EPB41L1: variants seen among roughly 807,000 people sequenced by gnomAD.
EPB41L1 encodes the protein band 4.1-like protein 1.
EPB41L1 carries 29 observed loss-of-function variants against 97.8 expected under a neutral mutation model. That is an observed-to-expected ratio of 0.30 (90% CI 0.22 to 0.40). EPB41L1 has a LOEUF of 0.40. Ranked by LOEUF, EPB41L1 falls within the 10% of genes least tolerant of loss-of-function variation. The probability of loss-of-function intolerance (pLI) is 1.00; values close to 1 mark genes in which losing one functional copy is unlikely to be tolerated. For synonymous variants in EPB41L1, 383 were observed against 459.2 expected, an observed-to-expected ratio of 0.83 and a Z score of 2.12; for missense variants, 812 against 1,162.3, an observed-to-expected ratio of 0.70 and a Z score of 4.38.
At chr20:36,176,047 A>C (rs1011769231) in intron 3 of EPB41L1, among the ~76,000 whole-genome samples, 2 of 152,244 alleles carry the variant, frequency 1.3e-5, no homozygotes, top group African/African-American at 4.8e-5. Flanking sequence ...CTATTCACCC[A>C]GGAGAGACTG....
At chr20:36,133,622 C>T (rs1413274832) in intron 2 of EPB41L1, among the ~76,000 whole-genome samples, 4 of 152,108 alleles carry the variant, frequency 2.6e-5, no homozygotes, top group Admixed American at 6.5e-5. Flanking sequence ...TTTGGGAGGC[C>T]GATGCAGGCG....
chr20:36,174,377 A>G lies in EPB41L1; in HGVS notation c.177+423A>G, dbSNP rs533991499. Among the ~76,000 whole-genome samples the G allele has an allele frequency of 4.0e-5, 6 of 151,878 alleles. No homozygotes were observed. The South Asian group carries it at 1.2e-3, about 32-fold the overall frequency. On this transcript the variant is annotated intron_variant, in intron 2 of 21. Coordinates refer to ENST00000338074, the MANE Select transcript of EPB41L1 (RefSeq NM_012156.2). ...GACCTCTGCCGCCCGGGTTCAAGCA[A>G]TTCTCCTGCCTCAGCCTCCTTAGTA...
At chr20:36,172,023 A>G (rs771216857) in intron 1 of EPB41L1, among the ~76,000 whole-genome samples, 1 of 152,160 alleles carries the variant, frequency 6.6e-6, no homozygotes, top group Non-Finnish European at 1.5e-5. Context: ...CCGCCACCCT[A>G]CCTTTCTAAA....
At chr20:36,126,556 G>A (rs907221033) in intron 2 of EPB41L1, among the ~76,000 whole-genome samples, 4 of 152,086 alleles carry the variant, frequency 2.6e-5, no homozygotes, top group Non-Finnish European at 4.4e-5. Context: ...AGTAGAGACT[G>A]GGTTTCTCCA....
chr20:36,217,839 C>T (rs764270262), intron 17 of EPB41L1, among the ~76,000 whole-genome samples: 1 of 152,092 alleles, frequency 6.6e-6, no homozygotes, highest in Non-Finnish European at 1.5e-5. Flanking sequence ...CTTTTCTCAC[C>T]TGTCCCTTGG....
rs936697679 is a variant in EPB41L1 at position 36,132,573 on chromosome 20, G to T, written c.-10+20093G>T. Among the ~76,000 whole-genome samples, 8 of 79,126 alleles carry T rather than the reference G, an allele frequency of 1.0e-4. No homozygotes were observed. The South Asian group carries it at 2.2e-3, about 22-fold the overall frequency. 51.9% of individuals were successfully genotyped at this position (79,126 alleles called of 152,430 possible). A position where few individuals can be genotyped will look rare whatever the true frequency, so the allele number is the denominator to read the frequency against. On this transcript the variant is annotated intron_variant, in intron 2 of 19. Transcript: ENST00000202028. ...ACATGGACATCTTTGTGGGCGGGGGGGGGGGGCGCATTATTATGCCTGCCA... is the reference window on the plus strand; with the variant it reads ...ACATGGACATCTTTGTGGGCGGGGGTGGGGGGCGCATTATTATGCCTGCCA...
intron 2 of EPB41L1, among the ~76,000 whole-genome samples, chr20:36,131,245 G>A (rs1665687123): frequency 6.6e-6 from 1 of 152,094 alleles, no homozygotes; most frequent in Non-Finnish European, 1.5e-5. Flanking sequence ...AAAGTGCTGG[G>A]ATTTCAGGCA....
intron 19 of EPB41L1, among the ~76,000 whole-genome samples, chr20:36,220,238 A>T (rs1430566723): frequency 6.6e-6 from 1 of 152,248 alleles, no homozygotes; most frequent in South Asian, 2.1e-4. Context: ...CTGAGGGAGG[A>T]GAAGACAGAT....
chr20:36,220,117 G>C (rs1209230911), intron 19 of EPB41L1, among the ~76,000 whole-genome samples: 1 of 152,268 alleles, frequency 6.6e-6, no homozygotes, highest in South Asian at 2.1e-4. Flanking sequence ...TAGATGGAAA[G>C]TGCTGGAGGA....
intron 21 of EPB41L1, 152 bp downstream of exon 21, chr20:36,222,546 G>T: frequency 1.5e-6 from 1 of 651,962 alleles, no homozygotes; most frequent in African/African-American, 1.8e-5. Flanking sequence ...CTGCTCAAAG[G>T]AGAGAGGCAC....
At chr20:36,174,941 G>A (rs940797544) in intron 2 of EPB41L1, among the ~76,000 whole-genome samples, 1 of 152,094 alleles carries the variant, frequency 6.6e-6, no homozygotes, top group African/African-American at 2.4e-5. Context: ...AGCTTGGCCA[G>A]CCCCATGTAA....
chr20:36,207,450 C>G lies in EPB41L1; in HGVS notation c.1669-2038C>G, dbSNP rs6058434. 61 of 1,289,532 alleles carry G rather than the reference C, an allele frequency of 4.7e-5. No homozygotes were observed. The highest frequency in any genetic ancestry group is 1.1e-4 in the East Asian group (2 of 18,006). 79.9% of individuals were successfully genotyped at this position (1,289,532 alleles called of 1,614,324 possible). On this transcript the variant is annotated intron_variant, in intron 14 of 21. Coordinates refer to ENST00000338074, the MANE Select transcript of EPB41L1 (RefSeq NM_012156.2). The surrounding 1 kb of genome is among the most constrained non-coding windows in gnomAD (Gnocchi z 4.9). The stretch of plus-strand genomic sequence containing the variant: ...ATATTAGCAAGACCTCAGTGGCCAA[C>G]AAAATTCGGATATTTGAGACCCACG...
At chr20:36,180,666 G>A (rs1381956361) in intron 5 of EPB41L1, among the ~76,000 whole-genome samples, 2 of 152,114 alleles carry the variant, frequency 1.3e-5, no homozygotes, top group Admixed American at 6.5e-5. Flanking sequence ...TGTAAAGCAG[G>A]GTAGTGCTAG....
At chr20:36,175,205 A>G (rs2061175185) in intron 2 of EPB41L1, among the ~76,000 whole-genome samples, 1 of 152,128 alleles carries the variant, frequency 6.6e-6, no homozygotes, top group Non-Finnish European at 1.5e-5. Context: ...AGGAGACCAG[A>G]TGGATGCTGT....
chr20:36,155,719 A>ATCG, intron 1 of EPB41L1: 2 of 442,304 alleles, frequency 4.5e-6, no homozygotes. Context: ...GCTGCCAGCC[A>ATCG]TCGTCGTTGC....
upstream of EPB41L1, chr20:36,150,058 T>C (rs1323132138): frequency 6.6e-6 from 1 of 151,884 alleles, no homozygotes; most frequent in Non-Finnish European, 1.5e-5. Context: ...AATACATTCA[T>C]AAGGTTTTTT....
At chr20:36,143,107 G>C (rs1236274959) in intron 2 of EPB41L1, among the ~76,000 whole-genome samples, 1 of 151,748 alleles carries the variant, frequency 6.6e-6, no homozygotes, top group Admixed American at 6.6e-5. Context: ...GTGCAGTCCT[G>C]TGGTTGTGGC....
chr20:36,118,587 G>A (rs548695770), intron 2 of EPB41L1, among the ~76,000 whole-genome samples: 3 of 152,248 alleles, frequency 2.0e-5, no homozygotes, highest in Admixed American at 2.0e-4. Context: ...AACTCCGTAT[G>A]TAAATATACT....
intron 3 of EPB41L1, 72 bp from the exon 4 acceptor site, chr20:36,177,880 G>C: frequency 8.1e-7 from 1 of 1,233,680 alleles, no homozygotes; most frequent in South Asian, 1.2e-5. Context: ...TGTCCTGGTG[G>C]AGCCCAGGGT....
Sources: gnomAD v4.1 joint callset for allele counts (sites outside exome capture counted in the v4.1 genomes callset) on GRCh38, gnomAD v4.1.1 for gene constraint, Gnocchi (gnomAD v3.1) non-coding constraint, MANE v1.5 for transcripts, NCBI Gene and HGNC (gene_info 2026-07-23, HGNC 2026-07-21) for gene names.